The following MAGEA4 variants were observed in gnomAD, a reference collection of about 807,000 sequenced individuals.
The protein encoded by MAGEA4 is MAGE family member A4, also known as melanoma-associated antigen 4.
A neutral mutation model predicts 13.7 loss-of-function variants in MAGEA4; 1 was observed. The observed-to-expected ratio is 0.07, with a 90% CI of 0.03 to 0.35. MAGEA4 has a LOEUF of 0.35. Among genes scored for constraint, MAGEA4 ranks in the 10% least tolerant of loss-of-function variants. The pLI, the probability that MAGEA4 is intolerant of heterozygous loss-of-function variation, is 0.99. For missense variants in MAGEA4, 312 were observed against 245.1 expected, an observed-to-expected ratio of 1.27 and a Z score of -1.82; for synonymous variants, 132 against 101.1, an observed-to-expected ratio of 1.31 and a Z score of -1.83.
At position 151,923,449 on chromosome X, in the gene MAGEA4, T is replaced by C; in HGVS notation, c.-137-4T>C. 4 of 1,181,901 alleles carry C rather than the reference T, an allele frequency of 3.4e-6. No homozygotes were observed. Among genetic ancestry groups the C allele is most frequent in the African/African-American group, 1.7e-5 (1 of 57,418 alleles). On this transcript the variant is annotated splice_polypyrimidine_tract_variant and splice_region_variant and intron_variant, in intron 1 of 2. Transcript: ENST00000276344. Reference sequence around the variant, plus strand: ...CTGAGGTGCTCTCTCACTTCCTCCTTCAGGTTCTGAGCAGACAGGCCAACC... The same window carrying C: ...CTGAGGTGCTCTCTCACTTCCTCCTCCAGGTTCTGAGCAGACAGGCCAACC...
intron 1 of MAGEA4, chrX:151,913,403 A>G (rs1259841467): frequency 7.5e-6 from 1 of 132,670 alleles, no homozygotes; most frequent in African/African-American, 2.3e-4. Context: ...CACCGACCTC[A>G]CCCCTCCCAC....
chrX:151,919,994 CTTCCCA>C (rs1257027770), intron 1 of MAGEA4, among the ~76,000 whole-genome samples: 18 of 98,046 alleles, frequency 1.8e-4, no homozygotes, highest in Admixed American at 9.7e-4. Context: ...TCCCATCCCC[CTTCCCA>C]TTCCCATCCA....
At chrX:151,913,484 G>C (rs1471099675) in intron 1 of MAGEA4, 1 of 724,625 alleles carries the variant, frequency 1.4e-6, no homozygotes, top group Non-Finnish European at 1.6e-6. Context: ...CGGATGTGAT[G>C]CCACTGACTT....
At chrX:151,921,881 T>G (rs775456547) in intron 1 of MAGEA4, among the ~76,000 whole-genome samples, 8 of 110,356 alleles carry the variant, frequency 7.2e-5, no homozygotes, top group East Asian at 5.8e-4. Flanking sequence ...ATGAGGTGCC[T>G]CCTCTTTTAG....
At chrX:151,919,509 C>T (rs1479673981) in intron 1 of MAGEA4, among the ~76,000 whole-genome samples, 2 of 99,285 alleles carry the variant, frequency 2.0e-5, no homozygotes, top group Non-Finnish European at 4.1e-5. Context: ...TCAACCCACC[C>T]CCAAAACGCG....
At position 151,923,839 on chromosome X, in the gene MAGEA4, T is replaced by G. The variant is rs965542291; in HGVS notation, c.175T>G (p.Ser59Ala). 1.2e-5 allele frequency: 14 copies of G among 1,208,310 alleles called. No individual in the cohort carries two copies. The highest frequency in any genetic ancestry group is 2.3e-4 in the Middle Eastern group (1 of 4,362). ...GTLEEVPAAE[S>A]AGPPQSPQGA... Reference sequence around the variant, plus strand: ...CCTGGAGGAAGTGCCTGCTGCTGAGTCAGCAGGTCCTCCCCAGAGTCCTCA... The same window carrying G: ...CCTGGAGGAAGTGCCTGCTGCTGAGGCAGCAGGTCCTCCCCAGAGTCCTCA... Residue 59 changes from serine to alanine, a missense_variant, in exon 3 of 3, where the codon TCA (serine) becomes GCA (alanine). Physicochemically the swap from Ser to Ala is moderately conservative, Grantham distance 99. Transcript: ENST00000276344.
Position 151,923,646 on chromosome X carries a change from T to C in MAGEA4, c.-19T>C. 1.2e-5 allele frequency: 15 copies of C among 1,211,376 alleles called. No individual in the cohort carries two copies. Among genetic ancestry groups the C allele is most frequent in the Non-Finnish European group, 1.7e-5 (15 of 895,492 alleles). On this transcript the variant is annotated 5_prime_UTR_variant, in exon 3 of 3. Coordinates refer to ENST00000276344, the MANE Select transcript of MAGEA4 (RefSeq NM_001011548.1). ...AGCTTTTGCCTGCACTCTTGCCTGC[T>C]GCCCTGACCAGAGTCATCATGTCTT...
Position 151,920,815 on chromosome X carries a change from G to A in MAGEA4, c.-137-2638G>A, listed in dbSNP as rs1339452964. Among the ~76,000 whole-genome samples the A allele has an allele frequency of 2.7e-5, 3 of 109,988 alleles. No individual in the cohort carries two copies. The Admixed American group carries it at 2.9e-4, about 11-fold the overall frequency. On this transcript the variant is annotated intron_variant, in intron 1 of 2. Coordinates refer to ENST00000276344, the MANE Select transcript of MAGEA4 (RefSeq NM_001011548.1). ...TGGGTCTGAAGGGTGGCTTGAGATC[G>A]GCAGAGGGAAGGTGGCCCAGGCTTT...
chrX:151,922,462 G>T (rs1933492667), intron 1 of MAGEA4, among the ~76,000 whole-genome samples: 1 of 111,000 alleles, frequency 9.0e-6, no homozygotes, highest in Non-Finnish European at 1.9e-5. Context: ...GAACCAAAGG[G>T]GTCAGCCCTG....
In MAGEA4 at chrX:151,923,983, C is replaced by A. The variant is rs373393448; in HGVS notation, c.319C>A (p.Arg107=). The change falls in exon 3 of 3, where the codon CGA becomes AGA. Residue 107 remains arginine (R), a synonymous_variant. Transcript: ENST00000276344. ...CTCGCCTGACGCAGAGTCCTTGTTC[C>A]GAGAAGCACTCAGTAACAAGGTGGA... ...STSPDAESLF[R]EALSNKVDEL... is the part of the protein sequence containing the mutation. 3.3e-4 allele frequency: 402 copies of A among 1,210,316 alleles called. No individual in the cohort carries two copies. Among genetic ancestry groups the A allele is most frequent in the Admixed American group, 1.2e-3 (56 of 45,911 alleles).
In MAGEA4 at chrX:151,924,950, G is replaced by A. The variant is rs767504019; in HGVS notation, c.*332G>A. On this transcript the variant is annotated 3_prime_UTR_variant, in exon 3 of 3. Transcript: ENST00000276344. ...GTTTTTTATTCAGATTGGGAAATCC[G>A]TTCTATTTTGTGAATTTGGGACATA... 62 of 182,320 alleles carry A rather than the reference G, an allele frequency of 3.4e-4. No individual in the cohort carries two copies. The highest frequency in any genetic ancestry group is 1.4e-3 in the African/African-American group (46 of 32,724). 15.0% of individuals were successfully genotyped at this position (182,320 alleles called of 1,213,427 possible).
At chrX:151,920,518 C>G (rs1359215794) in intron 1 of MAGEA4, among the ~76,000 whole-genome samples, 1 of 108,377 alleles carries the variant, frequency 9.2e-6, no homozygotes, top group Non-Finnish European at 1.9e-5. Context: ...ACGTCAGGAC[C>G]CTAGGAGAGG....
rs1435266182 is a variant in MAGEA4 at position 151,924,247 on chromosome X, C to G, written c.583C>G (p.Gln195Glu). Residue 195 changes from glutamine (Q) to glutamate (E), a missense_variant, in exon 3 of 3, where the codon CAG becomes GAG. By Grantham distance (29) the Gln-to-Glu change is conservative (BLOSUM62 2). Transcript: ENST00000276344. The stretch of plus-strand genomic sequence containing the variant: ...CTATGATGGCCTGCTGGGTAATAAT[C>G]AGATCTTTCCCAAGACAGGCCTTCT... Reference protein sequence around the residue: ...LSYDGLLGNNQIFPKTGLLII... With the variant: ...LSYDGLLGNNEIFPKTGLLII... 8.3e-7 allele frequency: 1 copy of G among 1,208,485 alleles called. No homozygotes were observed. Among genetic ancestry groups the G allele is most frequent in the Non-Finnish European group, 1.1e-6 (1 of 894,356 alleles).
intron 2 of MAGEA4, 34 bp downstream of exon 2, chrX:151,923,558 G>A (rs1208133827): frequency 2.5e-6 from 3 of 1,209,056 alleles, no homozygotes; most frequent in South Asian, 3.5e-5. Context: ...TCTAAGATTT[G>A]GTTCTCAGCT....
chrX:151,913,560 A>G (rs1932995226), intron 1 of MAGEA4: 1 of 747,493 alleles, frequency 1.3e-6, no homozygotes, highest in Non-Finnish European at 1.6e-6. Context: ...TGGCGGAGGG[A>G]AGCGGGCCAG....
Position 151,923,681 on chromosome X carries a change from A to T in MAGEA4, c.17A>T (p.Lys6Met). Residue 6 changes from lysine (K) to methionine (M), a missense_variant, in exon 3 of 3, where the codon AAG (lysine) becomes ATG (methionine). Coordinates refer to ENST00000276344, the MANE Select transcript of MAGEA4 (RefSeq NM_001011548.1). ...AGAGTCATCATGTCTTCTGAGCAGAAGAGTCAGCACTGCAAGCCTGAGGAA... is the reference window on the plus strand; with the variant it reads ...AGAGTCATCATGTCTTCTGAGCAGATGAGTCAGCACTGCAAGCCTGAGGAA... Reference protein sequence around the residue: MSSEQKSQHCKPEEGV... With the variant: MSSEQMSQHCKPEEGV... The T allele has an allele frequency of 2.5e-6, 3 of 1,211,287 alleles. No individual in the cohort carries two copies. The highest frequency in any genetic ancestry group is 3.4e-6 in the Non-Finnish European group (3 of 895,447).
chrX:151,920,319 C>T (rs1360532134), intron 1 of MAGEA4, among the ~76,000 whole-genome samples: 2 of 109,458 alleles, frequency 1.8e-5, no homozygotes, highest in African/African-American at 6.7e-5. Flanking sequence ...GGGAGGCCCT[C>T]TCCACCCCAG....
At position 151,913,596 on chromosome X, in the gene MAGEA4, G is replaced by A. The variant is rs55970248; in HGVS notation, c.-138+627G>A. The A allele has an allele frequency of 7.3e-3, 5,460 of 745,837 alleles. 14 individuals are homozygous for A. Among genetic ancestry groups the A allele is most frequent in the Non-Finnish European group, 8.1e-3 (5,153 of 635,453 alleles). 61.5% of individuals were successfully genotyped at this position (745,837 alleles called of 1,213,427 possible). A position where few individuals can be genotyped will look rare whatever the true frequency, so the allele number is the denominator to read the frequency against. Reference sequence around the variant, plus strand: ...GCCCTGTGAGGAGTCAAGGTGAGACGCTGAGGGAGGACTCAGGAGGCCCCC... The same window carrying A: ...GCCCTGTGAGGAGTCAAGGTGAGACACTGAGGGAGGACTCAGGAGGCCCCC... On this transcript the variant is annotated intron_variant, in intron 1 of 2. Coordinates refer to ENST00000276344, the MANE Select transcript of MAGEA4 (RefSeq NM_001011548.1).
chrX:151,919,158 C>T, intron 1 of MAGEA4: 2 of 539,482 alleles, frequency 3.7e-6, no homozygotes, highest in Non-Finnish European at 4.5e-6. Context: ...GTCTGGGGCG[C>T]CCTCCACCCC....
Sources: gnomAD v4.1 joint callset for allele counts (sites outside exome capture counted in the v4.1 genomes callset) on GRCh38, gnomAD v4.1.1 for gene constraint, MANE v1.5 for transcripts, NCBI Gene and HGNC (gene_info 2026-07-23, HGNC 2026-07-21) for gene names.